Variants in SCAI observed in about 807,000 individuals in gnomAD.
SCAI encodes the protein suppressor of cancer cell invasion.
SCAI carries 24 observed loss-of-function variants against 92.2 expected under a neutral mutation model. The observed-to-expected ratio is 0.26, with a 90% CI of 0.19 to 0.37. SCAI has a LOEUF of 0.37. Ranked by LOEUF, SCAI falls within the 10% of genes least tolerant of loss-of-function variation. The pLI, the probability that SCAI is intolerant of heterozygous loss-of-function variation, is 1.00. For missense variants in SCAI, 450 were observed against 736.2 expected (o/e 0.61, Z 4.50); for synonymous variants, 261 against 258.6 (o/e 1.01, Z -0.09).
At chr9:124,975,433 T>C (rs772976837) in intron 15 of SCAI, 120 of 449,718 alleles carry the variant, frequency 2.7e-4, no homozygotes, top group Middle Eastern at 2.3e-3. Flanking sequence ...CAAGTACTGC[T>C]AAAACAGTGT....
intron 2 of SCAI, among the ~76,000 whole-genome samples, chr9:125,140,144 G>T (rs756919366): frequency 1.3e-5 from 2 of 152,026 alleles, no homozygotes; most frequent in African/African-American, 4.8e-5. Context: ...TTACCAGGTC[G>T]AGGCTGCAGT....
At chr9:124,974,650 G>T (rs1831721798) in intron 15 of SCAI, among the ~76,000 whole-genome samples, 1 of 152,078 alleles carries the variant, frequency 6.6e-6, no homozygotes, top group South Asian at 2.1e-4. Context: ...ATCTGCTTTT[G>T]TAACTGAACA....
chr9:125,141,029 T>C (rs1270883212), intron 2 of SCAI, among the ~76,000 whole-genome samples: 2 of 152,186 alleles, frequency 1.3e-5, no homozygotes, highest in Non-Finnish European at 2.9e-5. Context: ...TTGGAAATAT[T>C]TGATATATAC....
intron 3 of SCAI, among the ~76,000 whole-genome samples, chr9:125,044,161 C>T (rs1564391019): frequency 6.6e-6 from 1 of 152,216 alleles, no homozygotes; most frequent in South Asian, 2.1e-4. Flanking sequence ...TGCCTCAGCC[C>T]TCTCCAGACT....
intron 2 of SCAI, among the ~76,000 whole-genome samples, chr9:125,098,549 C>T (rs555174159): frequency 1.3e-5 from 2 of 152,258 alleles, no homozygotes; most frequent in South Asian, 4.1e-4. Context: ...GTTTTCATCT[C>T]ATTTGGAACT....
chr9:124,945,587 AAAAG>A lies in SCAI; in HGVS notation c.*7216_*7219del, dbSNP rs1831133651. 1 of 152,132 alleles carries A rather than the reference AAAAG, an allele frequency of 6.6e-6. No homozygotes were observed. The highest frequency in any genetic ancestry group is 1.5e-5 in the Non-Finnish European group (1 of 68,032). 9.4% of individuals were successfully genotyped at this position (152,132 alleles called of 1,614,324 possible). Reference sequence around the variant, plus strand: ...AAAAATTATTAATTTTTAAAACCACAAAAGAAATTAACAAAAATATTTTAAAATT... The same window carrying A: ...AAAAATTATTAATTTTTAAAACCACAAAATTAACAAAAATATTTTAAAATT... On this transcript the variant is annotated 3_prime_UTR_variant, in exon 18 of 18. Coordinates refer to ENST00000336505, the MANE Select transcript of SCAI (RefSeq NM_001144877.3).
rs141467188 is a variant in SCAI at position 125,085,262 on chromosome 9, G to A, written c.99-29255C>T. On this transcript the variant is annotated intron_variant, in intron 2 of 17. Transcript: ENST00000336505. ...AGCGCTTCGGGAGGTTGAGGTGGGC[G>A]GATCACCTGAGGTCAGGGGTTCGAG... is the stretch of plus-strand genomic sequence containing the variant. 3.7e-3 allele frequency among the ~76,000 whole-genome samples: 558 copies of A among 152,188 alleles called. 12 individuals are homozygous for A. Among genetic ancestry groups the A allele is most frequent in the East Asian group, 0.03 (154 of 5,178 alleles).
chr9:125,141,716 C>G (rs1019132210), intron 2 of SCAI, among the ~76,000 whole-genome samples: 33 of 152,132 alleles, frequency 2.2e-4, no homozygotes, highest in African/African-American at 8.0e-4. Flanking sequence ...AGCTTAAGCT[C>G]TGGAGTCAGA....
chr9:124,989,835 A>G (rs1588135858), intron 14 of SCAI, among the ~76,000 whole-genome samples: 1 of 146,108 alleles, frequency 6.8e-6, no homozygotes, highest in East Asian at 2.0e-4. Flanking sequence ...GTGAGCTGAG[A>G]TTACATCACT....
At chr9:125,109,220 C>G (rs560761436) in intron 2 of SCAI, among the ~76,000 whole-genome samples, 1 of 151,818 alleles carries the variant, frequency 6.6e-6, no homozygotes, top group African/African-American at 2.4e-5. Context: ...ACAAACACTG[C>G]GGAAGGCCGC....
At chr9:124,991,763 G>T (rs1444209909) in intron 14 of SCAI, among the ~76,000 whole-genome samples, 1 of 152,084 alleles carries the variant, frequency 6.6e-6, no homozygotes, top group Non-Finnish European at 1.5e-5. Context: ...CTTGAACCCA[G>T]GAAGCGGAGG....
intron 2 of SCAI, among the ~76,000 whole-genome samples, chr9:125,141,117 A>C (rs1291473496): frequency 2.0e-5 from 3 of 152,220 alleles, no homozygotes; most frequent in Non-Finnish European, 4.4e-5. Flanking sequence ...AACGTTTTCC[A>C]ATAGCTGATC....
At chr9:125,008,793 G>C (rs1288477686) in intron 9 of SCAI, among the ~76,000 whole-genome samples, 3 of 152,116 alleles carry the variant, frequency 2.0e-5, no homozygotes, top group Admixed American at 6.5e-5. Context: ...AATACTCAGA[G>C]ACATAATAAC....
At chr9:125,108,814 G>A (rs1023036705) in intron 2 of SCAI, among the ~76,000 whole-genome samples, 2 of 152,074 alleles carry the variant, frequency 1.3e-5, no homozygotes, top group Non-Finnish European at 2.9e-5. Flanking sequence ...TCTGGGAAGT[G>A]AGGAGCCAGC....
intron 2 of SCAI, among the ~76,000 whole-genome samples, chr9:125,077,054 T>C (rs891596192): frequency 9.2e-5 from 14 of 152,156 alleles, no homozygotes; most frequent in African/African-American, 3.1e-4. Context: ...CATGATGGTG[T>C]GTGCCTGTAG....
In SCAI at chr9:125,091,073, C is replaced by T. The variant is rs1030087330; in HGVS notation, c.99-35066G>A. Among the ~76,000 whole-genome samples the T allele has an allele frequency of 1.2e-4, 18 of 152,204 alleles. No individual in the cohort carries two copies. Among genetic ancestry groups the T allele is most frequent in the Admixed American group, 6.5e-5 (1 of 15,294 alleles). ...CGGAGCTTGCAGTGAGCTGAGATCGCGCCACTGCACTCCAGCCTGGGTGAC... is the reference window on the plus strand; with the variant it reads ...CGGAGCTTGCAGTGAGCTGAGATCGTGCCACTGCACTCCAGCCTGGGTGAC... On this transcript the variant is annotated intron_variant, in intron 2 of 17. Coordinates refer to ENST00000336505, the MANE Select transcript of SCAI (RefSeq NM_001144877.3). This position sits in a 1 kb window ranked among gnomAD's most constrained non-coding sequence, Gnocchi z 4.3.
chr9:124,970,959 C>T (rs1353991960), intron 17 of SCAI, among the ~76,000 whole-genome samples: 2 of 151,774 alleles, frequency 1.3e-5, no homozygotes, highest in Non-Finnish European at 2.9e-5. Flanking sequence ...GGATTACAGG[C>T]GCGTGCCACC....
chr9:125,112,861 G>C (rs907945569), intron 2 of SCAI, among the ~76,000 whole-genome samples: 1 of 152,150 alleles, frequency 6.6e-6, no homozygotes, highest in African/African-American at 2.4e-5. Flanking sequence ...TCATGACAAT[G>C]GTATGTCAAA....
intron 2 of SCAI, among the ~76,000 whole-genome samples, chr9:125,073,443 A>C (rs1834023603): frequency 6.6e-6 from 1 of 152,170 alleles, no homozygotes; most frequent in South Asian, 2.1e-4. Context: ...ATTGTTTTCC[A>C]CAGTGGCTGT....
Sources: gnomAD v4.1 joint callset for allele counts (sites outside exome capture counted in the v4.1 genomes callset) on GRCh38, gnomAD v4.1.1 for gene constraint, Gnocchi (gnomAD v3.1) non-coding constraint, MANE v1.5 for transcripts, NCBI Gene and HGNC (gene_info 2026-07-23, HGNC 2026-07-21) for gene names.